The following AGBL1 variants were observed in gnomAD, a reference collection of about 807,000 sequenced individuals.
AGBL1 encodes AGBL carboxypeptidase 1.
Under a neutral mutation model 118.9 loss-of-function variants are expected in AGBL1, and 130 were observed. That is an observed-to-expected ratio of 1.09 (90% CI 0.95 to 1.26). The LOEUF is 1.26. Among genes scored for constraint, AGBL1 ranks in the 50% most tolerant of loss-of-function variants. The probability of loss-of-function intolerance (pLI) is 0.00; values close to 1 mark genes in which losing one functional copy is unlikely to be tolerated. For synonymous variants in AGBL1, 555 were observed against 478.9 expected (o/e 1.16, Z -2.08); for missense variants, 1,584 against 1,298.1 (o/e 1.22, Z -3.38).
chr15:86,205,275 G>T (rs2077973567), intron 5 of AGBL1, among the ~76,000 whole-genome samples: 1 of 152,118 alleles, frequency 6.6e-6, no homozygotes, highest in South Asian at 2.1e-4. Context: ...TCTTTTCATG[G>T]CTTGATAGCT....
intron 19 of AGBL1, among the ~76,000 whole-genome samples, chr15:86,539,472 C>A (rs544019348): frequency 6.6e-6 from 1 of 152,170 alleles, no homozygotes; most frequent in African/African-American, 2.4e-5. Context: ...TTCTGTTCTT[C>A]GTTCTAATGA....
intron 21 of AGBL1, among the ~76,000 whole-genome samples, chr15:86,605,836 G>A (rs1481613649): frequency 6.6e-6 from 1 of 151,846 alleles, no homozygotes; most frequent in Non-Finnish European, 1.5e-5. Flanking sequence ...TTGGTTGAAA[G>A]AGTAAAGAAG....
chr15:86,318,847 T>C (rs2080060992), intron 17 of AGBL1, among the ~76,000 whole-genome samples: 1 of 152,042 alleles, frequency 6.6e-6, no homozygotes, highest in South Asian at 2.1e-4. Context: ...TGGATCTGAA[T>C]GAAGTGTTAT....
intron 1 of AGBL1, among the ~76,000 whole-genome samples, chr15:86,092,830 C>T (rs1896121753): frequency 6.6e-6 from 1 of 152,082 alleles, no homozygotes; most frequent in African/African-American, 2.4e-5. Context: ...TTCTAAGAAA[C>T]TCACTCCCGA....
intron 17 of AGBL1, among the ~76,000 whole-genome samples, chr15:86,340,851 G>A (rs1469421684): frequency 6.6e-6 from 1 of 152,146 alleles, no homozygotes; most frequent in Non-Finnish European, 1.5e-5. Flanking sequence ...GGTTGGGGGT[G>A]AGGATTCTGG....
chr15:86,480,847 A>G (rs185341622), intron 18 of AGBL1, among the ~76,000 whole-genome samples: 1 of 152,166 alleles, frequency 6.6e-6, no homozygotes, highest in Admixed American at 6.6e-5. Context: ...AGAAAGGCTA[A>G]GAATATTTAG....
chr15:86,106,426 T>G (rs1438894903), intron 1 of AGBL1, among the ~76,000 whole-genome samples: 3 of 152,226 alleles, frequency 2.0e-5, no homozygotes, highest in Non-Finnish European at 2.9e-5. Flanking sequence ...AGATAAAACC[T>G]CCATCTGATT....
chr15:86,581,343 C>T lies in AGBL1; in HGVS notation c.2994+26806C>T, dbSNP rs1596286963. 3.9e-5 allele frequency among the ~76,000 whole-genome samples: 6 copies of T among 152,124 alleles called. No individual in the cohort carries two copies. The East Asian group carries it at 5.8e-4, about 15-fold the overall frequency. On this transcript the variant is annotated intron_variant, in intron 21 of 22. Coordinates refer to ENST00000614907, the MANE Select transcript of AGBL1 (RefSeq NM_001386094.1). ...TTGTCATCTCTTGATTTTGATAGGT[C>T]CCTTCTTACTTTCCCCTCCTCCCCC... is the stretch of plus-strand genomic sequence containing the variant.
intron 17 of AGBL1, among the ~76,000 whole-genome samples, chr15:86,371,338 T>G (rs930033438): frequency 6.6e-6 from 1 of 151,994 alleles, no homozygotes; most frequent in Non-Finnish European, 1.5e-5. Context: ...AATGGTGGAG[T>G]TGGACATGAG....
In AGBL1 at chr15:86,956,217, T is replaced by TTAGATAGATAGA. The variant is rs57241299; in HGVS notation, c.3222-31736_3222-31725dup. Among the ~76,000 whole-genome samples the TTAGATAGATAGA allele has an allele frequency of 3.4e-3, 503 of 147,698 alleles. 1 individual carries two copies. The highest frequency in any genetic ancestry group is 7.1e-3 in the Middle Eastern group (2 of 280). On this transcript the variant is annotated intron_variant, in intron 23 of 24. Coordinates refer to the AGBL1 transcript ENST00000441037. ...TATAGATAGGTAGATAGATGATTGA[T>TTAGATAGATAGA]TAGATAGATAGATAGATAGATAGAT...
At chr15:86,088,532 G>A (rs1278762607) in intron 1 of AGBL1, among the ~76,000 whole-genome samples, 1 of 152,186 alleles carries the variant, frequency 6.6e-6, no homozygotes, top group Non-Finnish European at 1.5e-5. Flanking sequence ...ATGTGTGATG[G>A]GGGACTATTA....
intron 18 of AGBL1, among the ~76,000 whole-genome samples, chr15:86,404,294 C>T (rs2081491111): frequency 1.3e-5 from 2 of 152,160 alleles, no homozygotes; most frequent in South Asian, 4.1e-4. Context: ...GACTTTCCAG[C>T]TTTCTCTACT....
intron 23 of AGBL1, among the ~76,000 whole-genome samples, chr15:86,932,210 T>C (rs1046874920): frequency 6.6e-6 from 1 of 152,234 alleles, no homozygotes; most frequent in Non-Finnish European, 1.5e-5. Flanking sequence ...AGCCCTGTTA[T>C]ATCAACTATT....
At chr15:86,671,388 A>T (rs533248428) in intron 21 of AGBL1, among the ~76,000 whole-genome samples, 1 of 152,304 alleles carries the variant, frequency 6.6e-6, no homozygotes, top group Non-Finnish European at 1.5e-5. Context: ...GCAAAATAAA[A>T]CCTCGTTTAA....
At chr15:86,334,171 C>T (rs1167831307) in intron 17 of AGBL1, among the ~76,000 whole-genome samples, 4 of 152,104 alleles carry the variant, frequency 2.6e-5, no homozygotes, top group Non-Finnish European at 4.4e-5. Context: ...TACTGGAAGT[C>T]CCAGCCAGAG....
At chr15:86,154,732 T>C (rs2077165288) in intron 4 of AGBL1, among the ~76,000 whole-genome samples, 171 bp downstream of exon 4, 1 of 152,092 alleles carries the variant, frequency 6.6e-6, no homozygotes, top group Non-Finnish European at 1.5e-5. Flanking sequence ...AGGTGAGAAG[T>C]TACTTCATCA....
intron 22 of AGBL1, among the ~76,000 whole-genome samples, chr15:86,721,429 G>A (rs1489220694): frequency 1.3e-5 from 2 of 152,072 alleles, no homozygotes; most frequent in African/African-American, 4.8e-5. Context: ...TGCAGAAAAG[G>A]CCTTTGACAA....
chr15:86,844,124 C>G (rs1350934993), intron 22 of AGBL1, among the ~76,000 whole-genome samples: 1 of 152,078 alleles, frequency 6.6e-6, no homozygotes, highest in Non-Finnish European at 1.5e-5. Flanking sequence ...TTTGTTTATC[C>G]ATGCACCAGT....
At chr15:86,355,003 G>T (rs2080690544) in intron 17 of AGBL1, among the ~76,000 whole-genome samples, 1 of 152,230 alleles carries the variant, frequency 6.6e-6, no homozygotes, top group Admixed American at 6.5e-5. Context: ...TTGACAGCCA[G>T]CAAGAGAATG....
Sources: gnomAD v4.1 joint callset for allele counts (sites outside exome capture counted in the v4.1 genomes callset) on GRCh38, gnomAD v4.1.1 for gene constraint, MANE v1.5 for transcripts, NCBI Gene and HGNC (gene_info 2026-07-23, HGNC 2026-07-21) for gene names.